Variants in TAPT1 observed in about 807,000 individuals in gnomAD.
The protein encoded by TAPT1 is transmembrane anterior posterior transformation protein 1 homolog.
TAPT1 carries 28 observed loss-of-function variants against 65.6 expected under a neutral mutation model. The observed-to-expected ratio is 0.43, with a 90% CI of 0.32 to 0.59. TAPT1 has a LOEUF of 0.59. TAPT1 is among the 20% of genes least tolerant of loss of function. The pLI, the probability that TAPT1 is intolerant of heterozygous loss-of-function variation, is 0.09. For missense variants in TAPT1, 563 were observed against 679.9 expected, an observed-to-expected ratio of 0.83 and a Z score of 1.91; for synonymous variants, 278 against 245.2, an observed-to-expected ratio of 1.13 and a Z score of -1.25.
intron 1 of TAPT1, among the ~76,000 whole-genome samples, chr4:16,224,215 T>A (rs899840051): frequency 2.0e-5 from 3 of 152,110 alleles, no homozygotes; most frequent in African/African-American, 7.2e-5. Flanking sequence ...CCAGGCCAGC[T>A]CCTAGGGAAT....
chr4:16,180,920 A>C (rs1748674731), intron 7 of TAPT1, among the ~76,000 whole-genome samples: 1 of 152,214 alleles, frequency 6.6e-6, no homozygotes, highest in South Asian at 2.1e-4. Flanking sequence ...AGCTCAGGGC[A>C]CAGTGAGTCT....
intron 2 of TAPT1, among the ~76,000 whole-genome samples, chr4:16,209,203 C>G (rs1435359277): frequency 6.6e-6 from 1 of 152,184 alleles, no homozygotes; most frequent in African/African-American, 2.4e-5. Context: ...AAATCTCTCT[C>G]TTTTTCCTTC....
chr4:16,218,755 A>G (rs1411647910), intron 1 of TAPT1, among the ~76,000 whole-genome samples: 2 of 152,262 alleles, frequency 1.3e-5, no homozygotes, highest in East Asian at 1.9e-4. Context: ...ACTACTTCAT[A>G]TTAACTTCAC....
At chr4:16,227,215 CAG>C (rs1002784336), upstream of TAPT1, 75 of 455,512 alleles carry the variant, frequency 1.6e-4, no homozygotes, top group Non-Finnish European at 2.8e-4. Context: ...GCCGGACCGG[CAG>C]AGTTTCAAGG....
intron 3 of TAPT1, among the ~76,000 whole-genome samples, chr4:16,193,598 A>T (rs148802991): frequency 1.3e-5 from 2 of 152,340 alleles, no homozygotes; most frequent in Non-Finnish European, 2.9e-5. Flanking sequence ...TGAAAATGGA[A>T]GACCTATTAT....
chr4:16,180,251 G>C (rs1241032189), intron 7 of TAPT1, among the ~76,000 whole-genome samples: 4 of 152,162 alleles, frequency 2.6e-5, no homozygotes, highest in Non-Finnish European at 5.9e-5. Context: ...GCTGAGATTA[G>C]GTGGAAGGAA....
intron 1 of TAPT1, among the ~76,000 whole-genome samples, chr4:16,220,413 T>A (rs1203047829): frequency 6.6e-6 from 1 of 152,244 alleles, no homozygotes; most frequent in Non-Finnish European, 1.5e-5. Flanking sequence ...AACACTGATT[T>A]CAGTTTTTAA....
intron 7 of TAPT1, chr4:16,182,837 C>A (rs1748790287): frequency 6.6e-6 from 1 of 152,204 alleles, no homozygotes; most frequent in African/African-American, 2.4e-5. Flanking sequence ...CTACTTTTCA[C>A]ATGTCCTCAG....
intron 5 of TAPT1, among the ~76,000 whole-genome samples, chr4:16,187,729 T>C (rs919342957): frequency 6.6e-6 from 1 of 152,132 alleles, no homozygotes; most frequent in Non-Finnish European, 1.5e-5. Context: ...AGTAAAGCAC[T>C]TACTCTCCAA....
intron 2 of TAPT1, among the ~76,000 whole-genome samples, chr4:16,209,008 C>T (rs1302888718): frequency 2.6e-5 from 4 of 152,096 alleles, no homozygotes; most frequent in Non-Finnish European, 4.4e-5. Flanking sequence ...GGACTACAGG[C>T]GTGCACTACC....
chr4:16,196,941 AC>A (rs1387150352), intron 3 of TAPT1, among the ~76,000 whole-genome samples: 1 of 152,212 alleles, frequency 6.6e-6, no homozygotes, highest in Non-Finnish European at 1.5e-5. Context: ...AGCTCTCCCT[AC>A]TTGTGCTACA....
chr4:16,163,211 A>G lies in TAPT1; in HGVS notation c.*97T>C. The G allele has an allele frequency of 1.0e-5, 9 of 888,192 alleles. No individual in the cohort carries two copies. The highest frequency in any genetic ancestry group is 1.6e-5 in the Non-Finnish European group (9 of 550,388). The allele number at this position is 888,192 out of a possible 1,614,324, so 55.0% of individuals were successfully genotyped here. On this transcript the variant is annotated 3_prime_UTR_variant, in exon 14 of 14. Coordinates refer to ENST00000405303, the MANE Select transcript of TAPT1 (RefSeq NM_153365.3). Reference sequence around the variant, plus strand: ...TGCCAATAATAATTTAAGTTTTTAAATAAATATTTAAGTGCCATGTTTAGC... The same window carrying G: ...TGCCAATAATAATTTAAGTTTTTAAGTAAATATTTAAGTGCCATGTTTAGC...
At chr4:16,215,858 T>C (rs143385890) in intron 1 of TAPT1, among the ~76,000 whole-genome samples, 108 of 152,200 alleles carry the variant, frequency 7.1e-4, no homozygotes, top group African/African-American at 2.5e-3. Flanking sequence ...TCTTTCAAGG[T>C]GAGAAAAAGA....
intron 10 of TAPT1, 32 bp from the exon 11 acceptor site, chr4:16,174,304 T>C: frequency 6.4e-7 from 1 of 1,558,440 alleles, no homozygotes; most frequent in Non-Finnish European, 8.7e-7. Context: ...AGATTCAGAT[T>C]TATGGGATTT....
intron 5 of TAPT1, among the ~76,000 whole-genome samples, chr4:16,187,944 T>C (rs989961774): frequency 1.1e-4 from 16 of 152,192 alleles, no homozygotes; most frequent in Non-Finnish European, 1.2e-4. Context: ...TGTATAAAGA[T>C]ACACTGCCTT....
At chr4:16,202,314 T>C (rs1750082049) in intron 3 of TAPT1, 148 bp downstream of exon 3, 3 of 404,966 alleles carry the variant, frequency 7.4e-6, no homozygotes, top group Non-Finnish European at 1.4e-5. Flanking sequence ...ACATATTATA[T>C]AATATCCATT....
intron 11 of TAPT1, among the ~76,000 whole-genome samples, chr4:16,171,181 C>T (rs1439188831): frequency 6.6e-6 from 1 of 152,036 alleles, no homozygotes; most frequent in Non-Finnish European, 1.5e-5. Flanking sequence ...TTTTGCCCTC[C>T]GTCCTTTCTT....
At position 16,172,610 on chromosome 4, in the gene TAPT1, G is replaced by A. The variant is rs1207993666; in HGVS notation, c.1236+1594C>T. Among the ~76,000 whole-genome samples the A allele has an allele frequency of 4.6e-5, 7 of 152,020 alleles. 1 individual carries two copies. ...ATAATTAAAAATGTTTAGGGATGTG[G>A]TTGTCTGTAAAGGCACACTGAAATT... On this transcript the variant is annotated intron_variant, in intron 11 of 13. Coordinates refer to ENST00000405303, the MANE Select transcript of TAPT1 (RefSeq NM_153365.3).
chr4:16,191,131 G>A lies in TAPT1; in HGVS notation c.612+230C>T, dbSNP rs868844111. On this transcript the variant is annotated intron_variant, in intron 4 of 13. Coordinates refer to ENST00000405303, the MANE Select transcript of TAPT1 (RefSeq NM_153365.3). Reference sequence around the variant, plus strand: ...GCCACCAGAGGTGTGTCCCAGACCAGCAGCATGAGCCCCACCGCCCTGGAA... The same window carrying A: ...GCCACCAGAGGTGTGTCCCAGACCAACAGCATGAGCCCCACCGCCCTGGAA... 114 of 413,054 alleles carry A rather than the reference G, an allele frequency of 2.8e-4. 1 individual carries two copies. In the Middle Eastern group the frequency reaches 4.4e-3, roughly 16 times the overall value. The allele number at this position is 413,054 out of a possible 1,614,324, so 25.6% of individuals were successfully genotyped here.
Sources: gnomAD v4.1 joint callset for allele counts (sites outside exome capture counted in the v4.1 genomes callset) on GRCh38, gnomAD v4.1.1 for gene constraint, MANE v1.5 for transcripts, NCBI Gene and HGNC (gene_info 2026-07-23, HGNC 2026-07-21) for gene names.